The following RNF217 variants were observed in gnomAD, a reference collection of about 807,000 sequenced individuals.
RNF217 encodes the protein ring finger protein 217, also known as E3 ubiquitin-protein ligase RNF217.
A neutral mutation model predicts 57.8 loss-of-function variants in RNF217; 31 were observed. The observed-to-expected ratio is 0.54, with a 90% CI of 0.40 to 0.72. RNF217 has a LOEUF of 0.72. Ranked by LOEUF, RNF217 falls within the 30% of genes least tolerant of loss-of-function variation. RNF217 has a pLI of 0.00. For missense variants in RNF217, 696 were observed against 708.3 expected (o/e 0.98, Z 0.20); for synonymous variants, 313 against 294.0 (o/e 1.06, Z -0.66).
chr6:124,991,219 T>C lies in RNF217; in HGVS notation c.882+27793T>C, dbSNP rs144265681. ...CTGACCTCTCTGACTCCATTTTCTATTCCTCCTGCCATTGCTCACTCAGAA... is the reference window on the plus strand; with the variant it reads ...CTGACCTCTCTGACTCCATTTTCTACTCCTCCTGCCATTGCTCACTCAGAA... On this transcript the variant is annotated intron_variant, in intron 1 of 5. Transcript: ENST00000521654. Among the ~76,000 whole-genome samples, 176 of 152,306 alleles carry C rather than the reference T, an allele frequency of 1.2e-3. 1 individual carries two copies. The highest frequency in any genetic ancestry group is 4.2e-3 in the African/African-American group (174 of 41,572).
intron 3 of RNF217, among the ~76,000 whole-genome samples, chr6:125,060,394 C>G (rs1396826192): frequency 6.6e-6 from 1 of 151,494 alleles, no homozygotes; most frequent in African/African-American, 2.4e-5. Flanking sequence ...TATATTTGTA[C>G]CCTACTATAG....
intron 1 of RNF217, among the ~76,000 whole-genome samples, chr6:124,994,738 G>A (rs182403040): frequency 1.1e-4 from 16 of 152,298 alleles, no homozygotes; most frequent in African/African-American, 3.6e-4. Context: ...TTAGGCAGTT[G>A]TATGGCATTA....
chr6:124,989,161 T>G (rs941676348), intron 1 of RNF217, among the ~76,000 whole-genome samples: 1 of 151,932 alleles, frequency 6.6e-6, no homozygotes, highest in Non-Finnish European at 1.5e-5. Flanking sequence ...TTTTTTTTAA[T>G]TTACTATTTT....
chr6:125,070,993 C>T (rs1047546521), intron 3 of RNF217, among the ~76,000 whole-genome samples: 1 of 152,062 alleles, frequency 6.6e-6, no homozygotes, highest in Admixed American at 6.6e-5. Flanking sequence ...GTAGGTTTAG[C>T]AGTTCATTTA....
intron 3 of RNF217, among the ~76,000 whole-genome samples, chr6:125,072,302 CAGTT>C (rs1463852725): frequency 9.2e-5 from 14 of 152,076 alleles, no homozygotes; most frequent in Non-Finnish European, 2.1e-4. Flanking sequence ...GTGTACTTGA[CAGTT>C]GGTAAATGAT....
At chr6:125,001,050 T>G (rs1037667453) in intron 1 of RNF217, among the ~76,000 whole-genome samples, 2 of 152,140 alleles carry the variant, frequency 1.3e-5, no homozygotes, top group Non-Finnish European at 2.9e-5. Context: ...GATTATGTTT[T>G]ACTTATTGAT....
rs1427515814 is a variant in RNF217, at chr6:125,058,028, A to G, written c.1203A>G (p.Lys401=). ...HEGVNCKEYK[K]GDKLLRHWAS... ...GTGTTAACTGCAAGGAGTACAAAAA[A>G]GGAGACAAATTGTTGCGTCACTGGG... The change falls in exon 3 of 6, where the codon AAA becomes AAG. Residue 401 remains lysine (K), a synonymous_variant. Coordinates refer to ENST00000521654, the MANE Select transcript of RNF217 (RefSeq NM_001286398.3). 1.2e-6 allele frequency: 2 copies of G among 1,613,672 alleles called. No homozygotes were observed. The highest frequency in any genetic ancestry group is 1.7e-6 in the Non-Finnish European group (2 of 1,179,754).
Position 125,028,305 on chromosome 6 carries a change from A to C in RNF217, c.883-16906A>C, listed in dbSNP as rs778617399. Among the ~76,000 whole-genome samples the C allele has an allele frequency of 2.9e-3, 445 of 152,248 alleles. 2 individuals are homozygous for C. Among genetic ancestry groups the C allele is most frequent in the Non-Finnish European group, 5.5e-3 (377 of 67,988 alleles). On this transcript the variant is annotated intron_variant, in intron 1 of 5. Coordinates refer to ENST00000521654, the MANE Select transcript of RNF217 (RefSeq NM_001286398.3). Reference sequence around the variant, plus strand: ...ATGCACAGGTGAACAACACACAAAGATAATTTGAGGACCCCAAGATAGGAG... The same window carrying C: ...ATGCACAGGTGAACAACACACAAAGCTAATTTGAGGACCCCAAGATAGGAG...
chr6:124,977,065 C>A (rs1333479586), intron 1 of RNF217, among the ~76,000 whole-genome samples: 1 of 152,136 alleles, frequency 6.6e-6, no homozygotes, highest in Non-Finnish European at 1.5e-5. Context: ...ACTAGTATAT[C>A]TACAAACTAA....
chr6:124,974,940 A>T (rs1783905394), intron 1 of RNF217, among the ~76,000 whole-genome samples: 2 of 152,178 alleles, frequency 1.3e-5, no homozygotes, highest in South Asian at 4.1e-4. Flanking sequence ...CAGAAGAGGC[A>T]TATTGCTTTT....
At chr6:125,082,474 C>T (rs1788609882) in intron 5 of RNF217, 2 of 1,611,806 alleles carry the variant, frequency 1.2e-6, no homozygotes, top group African/African-American at 1.3e-5. Flanking sequence ...CTTACTGGAA[C>T]CTCATAAGTG....
intron 1 of RNF217, among the ~76,000 whole-genome samples, chr6:125,009,843 T>G (rs1418735709): frequency 1.3e-5 from 2 of 152,226 alleles, no homozygotes; most frequent in African/African-American, 2.4e-5. Context: ...CTGACCCATG[T>G]TATATTACAC....
At position 125,084,860 on chromosome 6, in the gene RNF217, A is replaced by G. The variant is rs1299231873; in HGVS notation, c.*1923A>G. 2 of 151,922 alleles carry G rather than the reference A, an allele frequency of 1.3e-5. No individual in the cohort carries two copies. Among genetic ancestry groups the G allele is most frequent in the Non-Finnish European group, 1.5e-5 (1 of 67,856 alleles). 9.4% of individuals were successfully genotyped at this position (151,922 alleles called of 1,614,324 possible). ...TTTAACAGATATTTATTGAGTGCCT[A>G]TCTTAGGTGTAATAGTATTTAAGAC... On this transcript the variant is annotated 3_prime_UTR_variant, in exon 6 of 6. Transcript: ENST00000521654.
At chr6:124,968,415 T>A (rs1783633339) in intron 1 of RNF217, among the ~76,000 whole-genome samples, 1 of 152,182 alleles carries the variant, frequency 6.6e-6, no homozygotes, top group South Asian at 2.1e-4. Flanking sequence ...ATTATTTTCC[T>A]CCACTCTCTA....
In RNF217 at chr6:124,977,900, A is replaced by G. The variant is rs377649175; in HGVS notation, c.882+14474A>G. Among the ~76,000 whole-genome samples, 10 of 152,300 alleles carry G rather than the reference A, an allele frequency of 6.6e-5. No homozygotes were observed. In the South Asian group the frequency reaches 1.9e-3, roughly 28 times the overall value. ...GAAATCTTTTCTTCCACTGGCTAAG[A>G]CTTTCCTTCTTTTTACTGTGGTCAA... On this transcript the variant is annotated intron_variant, in intron 1 of 5. Transcript: ENST00000521654.
chr6:125,047,872 G>C (rs1381934090), intron 2 of RNF217, among the ~76,000 whole-genome samples: 1 of 151,964 alleles, frequency 6.6e-6, no homozygotes, highest in Non-Finnish European at 1.5e-5. Context: ...TGAAACTTAA[G>C]CAAATTTCAA....
In RNF217 at chr6:125,092,480, C is replaced by T. The variant is rs959502497; in HGVS notation, c.*9543C>T. The T allele has an allele frequency of 4.6e-5, 7 of 152,114 alleles. No homozygotes were observed. Among genetic ancestry groups the T allele is most frequent in the Non-Finnish European group, 7.3e-5 (5 of 68,028 alleles). 9.4% of individuals were successfully genotyped at this position (152,114 alleles called of 1,614,324 possible). Reference sequence around the variant, plus strand: ...ATGGAAGAATATAAAGACACTCACTCGGATGAAAACTATAACGGTTTTCAA... The same window carrying T: ...ATGGAAGAATATAAAGACACTCACTTGGATGAAAACTATAACGGTTTTCAA... On this transcript the variant is annotated 3_prime_UTR_variant, in exon 6 of 6. Coordinates refer to ENST00000521654, the MANE Select transcript of RNF217 (RefSeq NM_001286398.3).
chr6:125,006,208 A>T (rs971330873), intron 1 of RNF217: 1 of 152,150 alleles, frequency 6.6e-6, no homozygotes, highest in African/African-American at 2.4e-5. Context: ...GGAGATGTTT[A>T]TGTTGCAATA....
At chr6:125,059,719 C>T (rs924675209) in intron 3 of RNF217, among the ~76,000 whole-genome samples, 9 of 152,078 alleles carry the variant, frequency 5.9e-5, no homozygotes, top group African/African-American at 1.4e-4. Context: ...AAAAAGAAGC[C>T]GACCATGGGG....
Sources: gnomAD v4.1 joint callset for allele counts (sites outside exome capture counted in the v4.1 genomes callset) on GRCh38, gnomAD v4.1.1 for gene constraint, MANE v1.5 for transcripts, NCBI Gene and HGNC (gene_info 2026-07-23, HGNC 2026-07-21) for gene names.